The following DOK6 variants were observed in gnomAD, a reference collection of about 807,000 sequenced individuals.
DOK6 encodes docking protein 6.
In DOK6, 22 loss-of-function variants were observed where a neutral mutation model predicts 44.0. The ratio of observed to expected loss-of-function variants is 0.50; its 90% CI spans 0.36 to 0.71. DOK6 has a LOEUF of 0.71. Among genes scored for constraint, DOK6 ranks in the 30% least tolerant of loss-of-function variants. The pLI, the probability that DOK6 is intolerant of heterozygous loss-of-function variation, is 0.00. For synonymous variants in DOK6, 166 were observed against 145.5 expected, an observed-to-expected ratio of 1.14 and a Z score of -1.01; for missense variants, 340 against 416.4, an observed-to-expected ratio of 0.82 and a Z score of 1.60.
chr18:69,751,380 AG>A (rs778889864), intron 6 of DOK6, among the ~76,000 whole-genome samples: 8 of 152,252 alleles, frequency 5.3e-5, no homozygotes, highest in Non-Finnish European at 1.2e-4. Flanking sequence ...GTCAATTTAT[AG>A]TACAGTTAAA....
In DOK6 at chr18:69,635,935, G is replaced by T. The variant is rs1052341661; in HGVS notation, c.289+36437G>T. Among the ~76,000 whole-genome samples, 3 of 152,310 alleles carry T rather than the reference G, an allele frequency of 2.0e-5. 1 individual carries two copies. The South Asian group carries it at 6.2e-4, about 32-fold the overall frequency. On this transcript the variant is annotated intron_variant, in intron 3 of 7. Coordinates refer to ENST00000382713, the MANE Select transcript of DOK6 (RefSeq NM_152721.6). ...TTTCAGTGGAGTCCAGAGCAAGAAAGGGCTCTTCAGCATGTGCTGGCTCTG... is the reference window on the plus strand; with the variant it reads ...TTTCAGTGGAGTCCAGAGCAAGAAATGGCTCTTCAGCATGTGCTGGCTCTG...
intron 3 of DOK6, among the ~76,000 whole-genome samples, chr18:69,633,824 C>G (rs572885569): frequency 1.5e-4 from 23 of 152,042 alleles, no homozygotes; most frequent in Non-Finnish European, 2.9e-4. Flanking sequence ...GACCATTTAA[C>G]AAATATTTCA....
intron 1 of DOK6, among the ~76,000 whole-genome samples, chr18:69,503,131 C>A (rs919063352): frequency 1.2e-4 from 19 of 152,036 alleles, no homozygotes; most frequent in Admixed American, 3.9e-4. Flanking sequence ...TGTATGCATG[C>A]TAAAAATATT....
At chr18:69,622,853 T>C (rs1393821570) in intron 3 of DOK6, among the ~76,000 whole-genome samples, 1 of 152,198 alleles carries the variant, frequency 6.6e-6, no homozygotes, top group Non-Finnish European at 1.5e-5. Context: ...GGAATGTACC[T>C]GACTAGGAAG....
chr18:69,581,022 A>G (rs1983356715), intron 2 of DOK6, among the ~76,000 whole-genome samples: 1 of 152,308 alleles, frequency 6.6e-6, no homozygotes, highest in African/African-American at 2.4e-5. Flanking sequence ...TAAATTCAGA[A>G]TTATTTTCTT....
intron 2 of DOK6, among the ~76,000 whole-genome samples, chr18:69,569,046 GC>G: frequency 6.6e-6 from 1 of 152,026 alleles, no homozygotes; most frequent in Non-Finnish European, 1.5e-5. Context: ...CTGTCCCCCA[GC>G]CCCCACAAAC....
At chr18:69,467,291 A>T (rs772256425) in intron 1 of DOK6, among the ~76,000 whole-genome samples, 11 of 152,174 alleles carry the variant, frequency 7.2e-5, no homozygotes, top group Non-Finnish European at 1.3e-4. Context: ...CATATATAAG[A>T]TCATAGACCA....
intron 5 of DOK6, among the ~76,000 whole-genome samples, chr18:69,732,103 T>C (rs945821142): frequency 2.0e-5 from 3 of 152,220 alleles, no homozygotes; most frequent in Admixed American, 2.0e-4. Context: ...TTTTTTTTCC[T>C]ATCAGAAACT....
At chr18:69,452,066 G>A (rs1043344827) in intron 1 of DOK6, among the ~76,000 whole-genome samples, 1 of 149,964 alleles carries the variant, frequency 6.7e-6, no homozygotes, top group African/African-American at 2.5e-5. Flanking sequence ...TAAAATCAGA[G>A]CAGAACTGAA....
Position 69,677,841 on chromosome 18 carries a change from C to A in DOK6, c.397C>A (p.Arg133=), listed in dbSNP as rs911168670. The change falls in exon 4 of 8, where the codon CGG becomes AGG. Residue 133 remains arginine (R), a synonymous_variant. Coordinates refer to ENST00000382713, the MANE Select transcript of DOK6 (RefSeq NM_152721.6). ...CGACCTTCTGGCCGCAGGAGTGCAG[C>A]GGGAACAGAATGGTAGGTGTGAGAT... is the stretch of plus-strand genomic sequence containing the variant. ...EPDLLAAGVQ[R]EQNERFNVYL... is the part of the protein sequence containing the mutation. 5.6e-6 allele frequency: 9 copies of A among 1,613,272 alleles called. No individual in the cohort carries two copies. The highest frequency in any genetic ancestry group is 7.6e-6 in the Non-Finnish European group (9 of 1,179,566).
At chr18:69,653,320 A>AAAAG (rs1555720374) in intron 3 of DOK6, among the ~76,000 whole-genome samples, 60 of 150,892 alleles carry the variant, frequency 4.0e-4, no homozygotes, top group East Asian at 2.0e-3. Context: ...AAAAAAAAAA[A>AAAAG]AAGAAGAAGA....
intron 7 of DOK6, among the ~76,000 whole-genome samples, chr18:69,805,964 A>C (rs548742798): frequency 2.0e-5 from 3 of 151,928 alleles, no homozygotes; most frequent in Non-Finnish European, 4.4e-5. Context: ...AACTAAGATT[A>C]TGTATGCATA....
intron 2 of DOK6, among the ~76,000 whole-genome samples, chr18:69,596,308 A>G (rs2144620108): frequency 6.6e-6 from 1 of 152,302 alleles, no homozygotes; most frequent in Admixed American, 6.5e-5. Flanking sequence ...GAGCTAAATA[A>G]TTGGGTGTGG....
At chr18:69,428,147 G>A (rs557565282) in intron 1 of DOK6, among the ~76,000 whole-genome samples, 2 of 151,982 alleles carry the variant, frequency 1.3e-5, no homozygotes, top group East Asian at 3.9e-4. Context: ...TGTCTTCATT[G>A]TACTGTACTA....
At chr18:69,636,337 A>G (rs1326782579) in intron 3 of DOK6, among the ~76,000 whole-genome samples, 1 of 152,196 alleles carries the variant, frequency 6.6e-6, no homozygotes, top group Non-Finnish European at 1.5e-5. Context: ...GACACAAGAT[A>G]TTATGAGGAC....
chr18:69,828,095 ACT>A (rs961083707), intron 7 of DOK6, among the ~76,000 whole-genome samples: 1 of 151,644 alleles, frequency 6.6e-6, no homozygotes, highest in Non-Finnish European at 1.5e-5. Context: ...GATTATTAAA[ACT>A]CTCTAATAAT....
intron 1 of DOK6, among the ~76,000 whole-genome samples, chr18:69,550,879 G>A (rs2144588476): frequency 6.7e-6 from 1 of 150,110 alleles, no homozygotes; most frequent in Admixed American, 6.7e-5. Context: ...TGCCTCTGGG[G>A]TTCAAGCGAT....
intron 1 of DOK6, among the ~76,000 whole-genome samples, chr18:69,473,931 A>AG (rs1980188033): frequency 6.6e-6 from 1 of 151,972 alleles, no homozygotes; most frequent in African/African-American, 2.4e-5. Context: ...CCCTATTGGA[A>AG]GTGCACACCT....
chr18:69,641,124 G>A (rs919921056), intron 3 of DOK6, among the ~76,000 whole-genome samples: 4 of 151,912 alleles, frequency 2.6e-5, no homozygotes, highest in African/African-American at 9.7e-5. Flanking sequence ...GCTGAGGCAG[G>A]GTATCGTTTG....
Sources: allele counts gnomAD v4.1 joint callset (sites outside exome capture counted in the v4.1 genomes callset), GRCh38; gene constraint gnomAD v4.1.1; transcripts MANE v1.5; gene names NCBI Gene and HGNC (gene_info 2026-07-23, HGNC 2026-07-21).